The following TP63 variants were observed in gnomAD, a reference collection of about 807,000 sequenced individuals.
The protein encoded by TP63 is tumor protein 63.
Under a neutral mutation model 82.8 loss-of-function variants are expected in TP63, and 17 were observed. The ratio of observed to expected loss-of-function variants is 0.21; its 90% CI spans 0.14 to 0.31. TP63 has a LOEUF of 0.31. Among genes scored for constraint, TP63 ranks in the 10% least tolerant of loss-of-function variants. TP63 has a pLI of 1.00. For synonymous variants in TP63, 330 were observed against 321.7 expected, an observed-to-expected ratio of 1.03 and a Z score of -0.28; for missense variants, 648 against 895.3, an observed-to-expected ratio of 0.72 and a Z score of 3.52.
intron 1 of TP63, among the ~76,000 whole-genome samples, chr3:189,695,408 C>G (rs1415574359): frequency 3.3e-5 from 5 of 152,042 alleles, no homozygotes; most frequent in Non-Finnish European, 5.9e-5. Flanking sequence ...ATGTTTCAGG[C>G]TCATCTTATA....
chr3:189,729,710 T>C (rs4602364), intron 1 of TP63, among the ~76,000 whole-genome samples: 1 of 151,878 alleles, frequency 6.6e-6, no homozygotes, highest in East Asian at 1.9e-4. Flanking sequence ...ATTTTTCCAT[T>C]TGAGGTTGAA....
intron 10 of TP63, 168 bp downstream of exon 10, chr3:189,873,163 G>C (rs559915550): frequency 2.2e-6 from 2 of 927,020 alleles, no homozygotes; most frequent in Admixed American, 2.0e-5. Flanking sequence ...CCTTTTTTAC[G>C]TGTCTTATTA....
At chr3:189,636,686 T>A (rs987245837) in intron 1 of TP63, among the ~76,000 whole-genome samples, 1 of 152,184 alleles carries the variant, frequency 6.6e-6, no homozygotes, top group East Asian at 1.9e-4. Context: ...AAATGTGAGC[T>A]ACACATGTAT....
In TP63 at chr3:189,805,208, C is replaced by T. The variant is rs145786741; in HGVS notation, c.325-3064C>T. Among the ~76,000 whole-genome samples the T allele has an allele frequency of 6.6e-3, 1,002 of 152,282 alleles. 7 individuals carry two copies. The highest frequency in any genetic ancestry group is 0.023 in the African/African-American group (960 of 41,552). On this transcript the variant is annotated intron_variant, in intron 3 of 13. Coordinates refer to ENST00000264731, the MANE Select transcript of TP63 (RefSeq NM_003722.5). ...ATTTTCCCTTTCTTTTCCTTAATAT[C>T]CATAAAATCAGTTTACTCAAGAAAT... is the stretch of plus-strand genomic sequence containing the variant.
chr3:189,831,732 A>G (rs1159827226), intron 4 of TP63, among the ~76,000 whole-genome samples: 5 of 151,638 alleles, frequency 3.3e-5, no homozygotes, highest in African/African-American at 1.2e-4. Flanking sequence ...TTTGGCTGAT[A>G]AGTAGTAGGT....
intron 1 of TP63, among the ~76,000 whole-genome samples, chr3:189,718,517 G>C (rs543828814): frequency 6.7e-6 from 1 of 149,962 alleles, no homozygotes; most frequent in South Asian, 2.3e-4. Flanking sequence ...TGGCATGGGG[G>C]AAACTGTCAC....
chr3:189,697,493 T>G (rs747129552), intron 1 of TP63, among the ~76,000 whole-genome samples: 1 of 151,996 alleles, frequency 6.6e-6, no homozygotes, highest in Non-Finnish European at 1.5e-5. Flanking sequence ...ATCCTCCAAT[T>G]TTTTTCTTTT....
intron 4 of TP63, among the ~76,000 whole-genome samples, chr3:189,832,253 C>T (rs181607983): frequency 7.9e-4 from 121 of 152,276 alleles, no homozygotes; most frequent in African/African-American, 2.9e-3. Flanking sequence ...CCTGAGACTT[C>T]TCTGCATCGG....
intron 1 of TP63, among the ~76,000 whole-genome samples, chr3:189,655,721 G>A (rs1417067859): frequency 6.6e-6 from 1 of 152,170 alleles, no homozygotes; most frequent in Non-Finnish European, 1.5e-5. Context: ...ACACTTAGTT[G>A]GTAAATGTGA....
chr3:189,654,362 T>A lies in TP63; in HGVS notation c.62+22785T>A, dbSNP rs144970996. The stretch of plus-strand genomic sequence containing the variant: ...AATGTATGTGAAAAAATCCATTTTC[T>A]TCCACAGGCTATAGGACAAGAAAAC... On this transcript the variant is annotated intron_variant, in intron 1 of 13. Transcript: ENST00000264731. Among the ~76,000 whole-genome samples, 245 of 152,266 alleles carry A rather than the reference T, an allele frequency of 1.6e-3. 1 individual carries two copies. Among genetic ancestry groups the A allele is most frequent in the Middle Eastern group, 6.8e-3 (2 of 294 alleles).
At chr3:189,720,699 A>G (rs1719314314) in intron 1 of TP63, among the ~76,000 whole-genome samples, 1 of 146,576 alleles carries the variant, frequency 6.8e-6, no homozygotes. Context: ...ATGCCATTGC[A>G]CTCCAGCCTG....
At chr3:189,863,873 T>C (rs758631753) in intron 4 of TP63, among the ~76,000 whole-genome samples, 7 of 152,220 alleles carry the variant, frequency 4.6e-5, no homozygotes, top group Non-Finnish European at 8.8e-5. Flanking sequence ...TACATGCCAA[T>C]ACTCTTCTTT....
chr3:189,716,435 C>T (rs1718965807), intron 1 of TP63, among the ~76,000 whole-genome samples: 1 of 151,782 alleles, frequency 6.6e-6, no homozygotes, highest in African/African-American at 2.4e-5. Context: ...TTTTAAAAAG[C>T]CCTGGAAATG....
intron 1 of TP63, among the ~76,000 whole-genome samples, chr3:189,691,712 G>T (rs928433079): frequency 6.6e-6 from 1 of 152,122 alleles, no homozygotes; most frequent in Non-Finnish European, 1.5e-5. Context: ...AGCTGTGTAA[G>T]AGTCTATACT....
chr3:189,838,010 C>A (rs1221193118), intron 4 of TP63, among the ~76,000 whole-genome samples: 1 of 152,150 alleles, frequency 6.6e-6, no homozygotes, highest in African/African-American at 2.4e-5. Context: ...ACCCCATTCC[C>A]AGCTCAATCA....
intron 3 of TP63, among the ~76,000 whole-genome samples, chr3:189,740,509 G>GTTTTTTTTTTTTTTT (rs1249710574): frequency 6.6e-6 from 1 of 151,700 alleles, no homozygotes; most frequent in African/African-American, 2.4e-5. Flanking sequence ...TTTGATTTTT[G>GTTTTTTTTTTTTTTT]TTTTTTTATG....
At position 189,765,299 on chromosome 3, in the gene TP63, G is replaced by A. The variant is rs190792811; in HGVS notation, c.324+26525G>A. On this transcript the variant is annotated intron_variant, in intron 3 of 13. Transcript: ENST00000264731. ...TGATATGAGAAACAAATGTATCCCC[G>A]TATATTGTTTTTTTCCCCCCTGAGA... is the stretch of plus-strand genomic sequence containing the variant. Among the ~76,000 whole-genome samples, 234 of 151,632 alleles carry A rather than the reference G, an allele frequency of 1.5e-3. 3 individuals are homozygous for A. The highest frequency in any genetic ancestry group is 5.3e-3 in the African/African-American group (220 of 41,352).
intron 3 of TP63, among the ~76,000 whole-genome samples, chr3:189,807,726 G>C (rs982427080): frequency 2.0e-5 from 3 of 152,102 alleles, no homozygotes; most frequent in African/African-American, 7.2e-5. Flanking sequence ...CAGTCCTTAG[G>C]GGGCTGGGTG....
At chr3:189,854,012 G>A (rs1268330501) in intron 4 of TP63, among the ~76,000 whole-genome samples, 2 of 152,164 alleles carry the variant, frequency 1.3e-5, no homozygotes, top group Admixed American at 1.3e-4. Flanking sequence ...ATCCTAGGCA[G>A]CATGGATACA....
Sources: allele counts gnomAD v4.1 joint callset (sites outside exome capture counted in the v4.1 genomes callset), GRCh38; gene constraint gnomAD v4.1.1; transcripts MANE v1.5; gene names NCBI Gene and HGNC (gene_info 2026-07-23, HGNC 2026-07-21).